Variants in LRMDA observed in about 807,000 individuals in gnomAD.
LRMDA encodes leucine rich melanocyte differentiation associated, also known as leucine-rich melanocyte differentiation-associated protein.
LRMDA carries 18 observed loss-of-function variants against 29.8 expected under a neutral mutation model. The observed-to-expected ratio is 0.60, with a 90% CI of 0.42 to 0.90. The LOEUF (loss-of-function observed/expected upper bound fraction) is 0.90, where lower values mean the gene tolerates loss of function less well. LRMDA is among the 40% of genes least tolerant of loss of function. The probability of loss-of-function intolerance (pLI) is 0.00; values close to 1 mark genes in which losing one functional copy is unlikely to be tolerated. For missense variants in LRMDA, 273 were observed against 273.9 expected, an observed-to-expected ratio of 1.00 and a Z score of 0.02; for synonymous variants, 125 against 109.4, an observed-to-expected ratio of 1.14 and a Z score of -0.89.
intron 6 of LRMDA, among the ~76,000 whole-genome samples, chr10:76,340,219 A>T (rs902825293): frequency 2.6e-5 from 4 of 152,156 alleles, no homozygotes; most frequent in African/African-American, 9.7e-5. Flanking sequence ...GTTACTAGTT[A>T]TAAAAAGAGA....
At chr10:76,223,975 G>A (rs1235517900) in intron 5 of LRMDA, among the ~76,000 whole-genome samples, 1 of 152,130 alleles carries the variant, frequency 6.6e-6, no homozygotes, top group Non-Finnish European at 1.5e-5. Flanking sequence ...ACTGGGATCA[G>A]CTACCTGCCA....
intron 4 of LRMDA, among the ~76,000 whole-genome samples, chr10:76,055,496 T>TG (rs369697391): frequency 4.6e-5 from 7 of 152,354 alleles, no homozygotes; most frequent in African/African-American, 1.7e-4. Flanking sequence ...CCTCTGTGAC[T>TG]GGTGGTTCCT....
chr10:75,765,434 A>G (rs1007081662), intron 2 of LRMDA, among the ~76,000 whole-genome samples: 2 of 152,244 alleles, frequency 1.3e-5, no homozygotes, highest in East Asian at 3.9e-4. Context: ...AGATTTCTTA[A>G]TATTTCTCTC....
At chr10:75,697,692 C>G (rs1399523462) in intron 2 of LRMDA, among the ~76,000 whole-genome samples, 1 of 152,070 alleles carries the variant, frequency 6.6e-6, no homozygotes, top group Non-Finnish European at 1.5e-5. Context: ...CTTATCAGCT[C>G]TATGACTTAT....
intron 5 of LRMDA, among the ~76,000 whole-genome samples, chr10:76,178,926 A>G (rs1218648343): frequency 6.6e-6 from 1 of 152,288 alleles, no homozygotes; most frequent in East Asian, 1.9e-4. Flanking sequence ...CCTGGGCATA[A>G]TGAGCCCTCC....
intron 6 of LRMDA, among the ~76,000 whole-genome samples, chr10:76,554,175 G>A (rs1843526909): frequency 6.6e-6 from 1 of 152,200 alleles, no homozygotes; most frequent in South Asian, 2.1e-4. Context: ...GGGGCAGGCA[G>A]AGACGACCCC....
At chr10:76,399,817 C>T (rs1841829190) in intron 6 of LRMDA, among the ~76,000 whole-genome samples, 1 of 152,164 alleles carries the variant, frequency 6.6e-6, no homozygotes, top group South Asian at 2.1e-4. Flanking sequence ...TTGAAAATAT[C>T]TGTTCTTCCT....
chr10:76,170,983 A>G (rs1208365239), intron 5 of LRMDA, among the ~76,000 whole-genome samples: 2 of 152,258 alleles, frequency 1.3e-5, no homozygotes, highest in African/African-American at 2.4e-5. Context: ...ATCAACTATT[A>G]TGAGTATATG....
chr10:75,907,622 GT>G (rs1353990252), intron 2 of LRMDA, among the ~76,000 whole-genome samples: 2 of 152,186 alleles, frequency 1.3e-5, no homozygotes, highest in Non-Finnish European at 2.9e-5. Context: ...GTACGCTGCT[GT>G]TACTTTACAG....
intron 6 of LRMDA, among the ~76,000 whole-genome samples, chr10:76,491,092 AT>A (rs199808927): frequency 1.7e-3 from 262 of 151,366 alleles, no homozygotes; most frequent in African/African-American, 5.0e-3. Context: ...CTGCTTTTTA[AT>A]TTTTTTTTGT....
chr10:75,439,732 C>A (rs1226263753), intron 2 of LRMDA, among the ~76,000 whole-genome samples: 1 of 152,136 alleles, frequency 6.6e-6, no homozygotes, highest in African/African-American at 2.4e-5. Context: ...TGGAAACTGA[C>A]AAGTTGTAAA....
intron 6 of LRMDA, among the ~76,000 whole-genome samples, chr10:76,380,233 G>A (rs1841573135): frequency 2.0e-5 from 3 of 152,122 alleles, no homozygotes; most frequent in Admixed American, 6.5e-5. Context: ...ATTTGATCTA[G>A]AGTTCAATTT....
intron 2 of LRMDA, among the ~76,000 whole-genome samples, chr10:75,981,810 C>T (rs1847176052): frequency 6.7e-6 from 1 of 149,202 alleles, no homozygotes. Flanking sequence ...CGAGACCACA[C>T]CACTGCACTC....
At chr10:75,995,232 A>G (rs1487774786) in intron 2 of LRMDA, among the ~76,000 whole-genome samples, 1 of 152,162 alleles carries the variant, frequency 6.6e-6, no homozygotes, top group Non-Finnish European at 1.5e-5. Context: ...GGAGTAGTTT[A>G]TGACTCTTTC....
Position 76,082,923 on chromosome 10 carries a change from G to A in LRMDA, c.516+24140G>A, listed in dbSNP as rs184517460. Among the ~76,000 whole-genome samples, 540 of 152,254 alleles carry A rather than the reference G, an allele frequency of 3.5e-3. 2 individuals carry two copies. The highest frequency in any genetic ancestry group is 0.012 in the African/African-American group (516 of 41,590). On this transcript the variant is annotated intron_variant, in intron 5 of 6. Coordinates refer to ENST00000611255, the MANE Select transcript of LRMDA (RefSeq NM_001305581.2). ...TTATTTGTAGTGGTAGAAAGTTGAAGCCAGCTTTGAGTTGAAGGAAATTCC... is the reference window on the plus strand; with the variant it reads ...TTATTTGTAGTGGTAGAAAGTTGAAACCAGCTTTGAGTTGAAGGAAATTCC...
intron 5 of LRMDA, among the ~76,000 whole-genome samples, chr10:76,085,282 A>G (rs529375074): frequency 6.6e-6 from 1 of 152,334 alleles, no homozygotes; most frequent in Admixed American, 6.5e-5. Context: ...GGGACAAATA[A>G]TCCGAAACAC....
chr10:76,113,152 T>C (rs571497237), intron 5 of LRMDA, among the ~76,000 whole-genome samples: 7 of 151,950 alleles, frequency 4.6e-5, no homozygotes, highest in South Asian at 2.1e-4. Context: ...ATGGAAAACA[T>C]TGGGTGTCTC....
At chr10:76,095,047 T>G (rs1270816648) in intron 5 of LRMDA, among the ~76,000 whole-genome samples, 2 of 152,222 alleles carry the variant, frequency 1.3e-5, no homozygotes, top group African/African-American at 2.4e-5. Flanking sequence ...GTGTAGAGTC[T>G]GGACAAAGAT....
intron 2 of LRMDA, among the ~76,000 whole-genome samples, 189 bp downstream of exon 2, chr10:75,438,683 T>A (rs1466568822): frequency 6.6e-6 from 1 of 152,220 alleles, no homozygotes; most frequent in East Asian, 1.9e-4. Context: ...CTTGGCTGCC[T>A]TTTTTTGTGC....
Sources: allele counts gnomAD v4.1 joint callset (sites outside exome capture counted in the v4.1 genomes callset), GRCh38; gene constraint gnomAD v4.1.1; transcripts MANE v1.5; gene names NCBI Gene and HGNC (gene_info 2026-07-23, HGNC 2026-07-21).